The following ERCC6 variants were observed in gnomAD, a reference collection of about 807,000 sequenced individuals.
The protein encoded by ERCC6 is DNA excision repair protein ERCC-6.
A neutral mutation model predicts 158.7 loss-of-function variants in ERCC6; 116 were observed. The observed-to-expected ratio is 0.73, with a 90% CI of 0.63 to 0.85. The LOEUF (loss-of-function observed/expected upper bound fraction) is 0.85. Among genes scored for constraint, ERCC6 ranks in the 40% least tolerant of loss-of-function variants. ERCC6 has a pLI of 0.00. For missense variants in ERCC6, 1,698 were observed against 1,799.4 expected (o/e 0.94, Z 1.02); for synonymous variants, 678 against 659.3 (o/e 1.03, Z -0.43).
chr10:49,473,887 CA>C, intron 13 of ERCC6, 139 bp downstream of exon 13: 3 of 845,272 alleles, frequency 3.5e-6, no homozygotes, highest in Middle Eastern at 6.3e-4. Context: ...TCTAAACTCC[CA>C]AAGAAATCGG....
At chr10:49,529,243 G>A (rs1460723682) in intron 3 of ERCC6, among the ~76,000 whole-genome samples, 1 of 152,184 alleles carries the variant, frequency 6.6e-6, no homozygotes, top group Non-Finnish European at 1.5e-5. Context: ...GTGGGACAAG[G>A]GGAAATCCTG....
chr10:49,438,623 G>A, the ERCC6 span, among the ~76,000 whole-genome samples: 1 of 152,012 alleles, frequency 6.6e-6, no homozygotes, highest in Non-Finnish European at 1.5e-5. Context: ...AACCAATCAT[G>A]CCTTCCCAAC....
At chr10:49,515,514 CCAGGTTCTGGAGGATGA>C in intron 5 of ERCC6, 1 of 1,614,006 alleles carries the variant, frequency 6.2e-7, no homozygotes, top group Non-Finnish European at 8.5e-7. Context: ...TCCTTTTTGG[CCAGGTTCTGGAGGATGA>C]CCATGGGTCT....
chr10:49,526,440 A>G (rs1837342705), intron 4 of ERCC6, among the ~76,000 whole-genome samples: 1 of 151,072 alleles, frequency 6.6e-6, no homozygotes, highest in African/African-American at 2.5e-5. Flanking sequence ...CTGTTTCTTT[A>G]AATGATTTCT....
At chr10:49,503,021 G>A (rs908331580) in intron 6 of ERCC6, 7 of 152,192 alleles carry the variant, frequency 4.6e-5, no homozygotes, top group African/African-American at 1.7e-4. Context: ...TTTTTGCTGA[G>A]ATACAGAACA....
At chr10:49,508,393 C>A (rs534184569) in intron 5 of ERCC6, among the ~76,000 whole-genome samples, 4 of 152,174 alleles carry the variant, frequency 2.6e-5, no homozygotes, top group African/African-American at 9.6e-5. Flanking sequence ...ATTCAGTTTC[C>A]TCCTCCTCCC....
chr10:49,434,951 T>C, the ERCC6 span, among the ~76,000 whole-genome samples: 1 of 152,166 alleles, frequency 6.6e-6, no homozygotes, highest in African/African-American at 2.4e-5. Context: ...CTGATGAAAA[T>C]TATCTGTATA....
chr10:49,534,165 A>AAAAAAAAAAAAAAACAAAAAAAAAG (rs1321344953), intron 1 of ERCC6, among the ~76,000 whole-genome samples: 1 of 139,162 alleles, frequency 7.2e-6, no homozygotes. Flanking sequence ...CAAAAAAAAA[A>AAAAAAAAAAAAAAACAAAAAAAAAG]CTCCATTTTA....
intron 18 of ERCC6, among the ~76,000 whole-genome samples, chr10:49,462,615 A>G (rs2132528016): frequency 6.6e-6 from 1 of 152,318 alleles, no homozygotes; most frequent in East Asian, 1.9e-4. Flanking sequence ...AGAACTCTTT[A>G]AAACCAAGGG....
chr10:49,472,405 C>A lies in ERCC6; in HGVS notation c.2895G>T (p.Ala965=), dbSNP rs564010970. Residue 965 remains alanine, a synonymous_variant, in exon 16 of 21, where the codon GCG becomes GCT. Coordinates refer to ENST00000355832, the MANE Select transcript of ERCC6 (RefSeq NM_000124.4). ...KQVTVYRLLT[A]GTIEEKIYHR... Reference sequence around the variant, plus strand: ...GGTAGATCTTTTCTTCAATGGTGCCCGCAGTCAGGAGCCTGTACACAGTCA... The same window carrying A: ...GGTAGATCTTTTCTTCAATGGTGCCAGCAGTCAGGAGCCTGTACACAGTCA... The A allele has an allele frequency of 1.2e-6, 2 of 1,613,958 alleles. No individual in the cohort carries two copies. The highest frequency in any genetic ancestry group is 8.5e-7 in the Non-Finnish European group (1 of 1,180,022).
chr10:49,450,559 G>T (rs1850408673), downstream of ERCC6, among the ~76,000 whole-genome samples: 2 of 152,136 alleles, frequency 1.3e-5, no homozygotes, highest in Admixed American at 1.3e-4. Context: ...TTCTGACAGG[G>T]ATTATGCTGA....
rs571949821 is a variant in ERCC6, at chr10:49,538,395, C to T, written c.-15+567G>A. ...TGACCTACTTTATGCCAGAGACCAC[C>T]TGGACAACTGTGCGGATAATGGATT... is the stretch of plus-strand genomic sequence containing the variant. On this transcript the variant is annotated intron_variant, in intron 1 of 20. Coordinates refer to ENST00000355832, the MANE Select transcript of ERCC6 (RefSeq NM_000124.4). Among the ~76,000 whole-genome samples the T allele has an allele frequency of 8.5e-5, 13 of 152,306 alleles. No individual in the cohort carries two copies. The South Asian group carries it at 2.7e-3, about 32-fold the overall frequency.
Position 49,456,567 on chromosome 10 carries a change from G to A in ERCC6, c.*2248C>T, listed in dbSNP as rs1305938332. The A allele has an allele frequency of 6.6e-6, 1 of 152,218 alleles. No homozygotes were observed. The highest frequency in any genetic ancestry group is 1.5e-5 in the Non-Finnish European group (1 of 68,030). The allele number at this position is 152,218 out of a possible 1,614,324, so 9.4% of individuals were successfully genotyped here. On this transcript the variant is annotated 3_prime_UTR_variant, in exon 21 of 21. Transcript: ENST00000355832. ...ACCAAACCTAGGGCTGTACTTAGCTGTGGAACAGGTGCAAGATGGTGTGGG... is the reference window on the plus strand; with the variant it reads ...ACCAAACCTAGGGCTGTACTTAGCTATGGAACAGGTGCAAGATGGTGTGGG...
At chr10:49,516,921 A>G in intron 5 of ERCC6, 1 of 1,614,060 alleles carries the variant, frequency 6.2e-7, no homozygotes, top group South Asian at 1.1e-5. Flanking sequence ...GCCATCTTGA[A>G]TAAGATACGC....
rs1369883730 is a variant in ERCC6 at position 49,483,881 on chromosome 10, G to A, written c.1822-365C>T. On this transcript the variant is annotated intron_variant, in intron 8 of 20. Coordinates refer to ENST00000355832, the MANE Select transcript of ERCC6 (RefSeq NM_000124.4). ...ATTTAAAACAAAAGCAAGAAAATAA[G>A]AGAAAATCCAAAGAGACAAGGCAGA... Among the ~76,000 whole-genome samples, 3 of 152,044 alleles carry A rather than the reference G, an allele frequency of 2.0e-5. No individual in the cohort carries two copies. In the East Asian group the frequency reaches 5.8e-4, roughly 29 times the overall value.
At chr10:49,514,455 T>C (rs1836890605) in intron 5 of ERCC6, among the ~76,000 whole-genome samples, 1 of 152,206 alleles carries the variant, frequency 6.6e-6, no homozygotes, top group Non-Finnish European at 1.5e-5. Context: ...ATCATATTAA[T>C]AAAATAAACA....
intron 8 of ERCC6, among the ~76,000 whole-genome samples, chr10:49,492,363 A>G (rs80270486): frequency 2.2e-3 from 333 of 152,280 alleles, no homozygotes; most frequent in Non-Finnish European, 3.7e-3. Flanking sequence ...CTTCTCCCCA[A>G]TAATGTAACC....
In ERCC6 at chr10:49,528,488, T is replaced by C; in HGVS notation, c.581A>G (p.His194Arg). ...QLKKITAKQK[H>R]LQAILGGAEV... ...TGCTCCTCCAAGGATGGCCTGGAGATGCTTTTGTTTTGCAGTGATCTTTTT... is the reference window on the plus strand; with the variant it reads ...TGCTCCTCCAAGGATGGCCTGGAGACGCTTTTGTTTTGCAGTGATCTTTTT... Residue 194 changes from histidine (H) to arginine (R), a missense_variant, in exon 4 of 21, where the codon CAT becomes CGT. His to Arg is a conservative substitution (Grantham distance 29). Transcript: ENST00000355832. The C allele has an allele frequency of 6.2e-7, 1 of 1,614,222 alleles. No homozygotes were observed.
At chr10:49,505,093 G>A (rs1295194375) in intron 6 of ERCC6, 3 of 152,078 alleles carry the variant, frequency 2.0e-5, no homozygotes, top group African/African-American at 7.2e-5. Flanking sequence ...ATACAAAAGA[G>A]ACAGAAAGAA....
Sources: allele counts gnomAD v4.1 joint callset (sites outside exome capture counted in the v4.1 genomes callset), GRCh38; gene constraint gnomAD v4.1.1; transcripts MANE v1.5; gene names NCBI Gene and HGNC (gene_info 2026-07-23, HGNC 2026-07-21).